PPEF1: variants seen among roughly 807,000 people sequenced by gnomAD.
PPEF1 encodes the protein serine/threonine-protein phosphatase with EF-hands 1.
PPEF1 carries 12 observed loss-of-function variants against 53.3 expected under a neutral mutation model. The ratio of observed to expected loss-of-function variants is 0.23; its 90% CI spans 0.14 to 0.36. The LOEUF is 0.36. Ranked by LOEUF, PPEF1 falls within the 10% of genes least tolerant of loss-of-function variation. The pLI, the probability that PPEF1 is intolerant of heterozygous loss-of-function variation, is 1.00. For synonymous variants in PPEF1, 165 were observed against 176.7 expected (o/e 0.93, Z 0.52); for missense variants, 334 against 490.4 (o/e 0.68, Z 3.01).
intron 3 of PPEF1, among the ~76,000 whole-genome samples, chrX:18,737,048 C>CT (rs1047856744): frequency 4.5e-5 from 5 of 111,620 alleles, no homozygotes; most frequent in African/African-American, 6.5e-5. Flanking sequence ...TGCTAGCAGT[C>CT]TATCAATTTT....
chrX:18,752,762 G>A (rs567198764), intron 4 of PPEF1, among the ~76,000 whole-genome samples: 2 of 105,604 alleles, frequency 1.9e-5, no homozygotes, highest in South Asian at 8.2e-4. Context: ...AGATGATTGT[G>A]CGTTTTTTAC....
At chrX:18,774,511 T>TG (rs1189446353) in intron 6 of PPEF1, among the ~76,000 whole-genome samples, 1 of 112,484 alleles carries the variant, frequency 8.9e-6, no homozygotes, top group Non-Finnish European at 1.9e-5. Flanking sequence ...GACTTTGTAT[T>TG]GTTTACTTCT....
chrX:18,770,663 C>A (rs887159680), intron 6 of PPEF1, among the ~76,000 whole-genome samples: 1 of 111,623 alleles, frequency 9.0e-6, no homozygotes, highest in South Asian at 3.8e-4. Flanking sequence ...TGAAGACATT[C>A]ATTACTCTTT....
At chrX:18,748,839 C>T (rs1031757757) in intron 3 of PPEF1, among the ~76,000 whole-genome samples, 1 of 111,824 alleles carries the variant, frequency 8.9e-6, no homozygotes, top group Admixed American at 9.5e-5. Flanking sequence ...CCAGAGAGAC[C>T]TGAGCTTGGA....
At chrX:18,742,056 C>T (rs2045183537) in intron 3 of PPEF1, among the ~76,000 whole-genome samples, 1 of 110,712 alleles carries the variant, frequency 9.0e-6, no homozygotes, top group South Asian at 3.8e-4. Flanking sequence ...CCTCGGCCTT[C>T]CAAAGTGCTG....
intron 3 of PPEF1, among the ~76,000 whole-genome samples, chrX:18,738,676 T>C (rs1217993392): frequency 8.9e-6 from 1 of 111,951 alleles, no homozygotes; most frequent in Non-Finnish European, 1.9e-5. Flanking sequence ...TTGGCCTGCC[T>C]TGCTAGATTG....
chrX:18,715,893 CTTAAAATT>C (rs915533198), intron 1 of PPEF1, among the ~76,000 whole-genome samples: 10 of 112,329 alleles, frequency 8.9e-5, no homozygotes, highest in Admixed American at 2.8e-4. Context: ...TCACTTGACA[CTTAAAATT>C]TTATGTTAAT....
At chrX:18,786,215 C>T (rs1441542180) in intron 9 of PPEF1, among the ~76,000 whole-genome samples, 2 of 111,502 alleles carry the variant, frequency 1.8e-5, no homozygotes, top group African/African-American at 6.5e-5. Flanking sequence ...CCAGCTCTAT[C>T]GAGGGCTTTT....
At chrX:18,734,349 A>G (rs1181149667) in intron 3 of PPEF1, among the ~76,000 whole-genome samples, 3 of 99,796 alleles carry the variant, frequency 3.0e-5, no homozygotes, top group Admixed American at 1.2e-4. Flanking sequence ...TCATTGTTCA[A>G]TTCCCACCTA....
At chrX:18,675,771 G>A (rs1928648108), upstream of PPEF1, 1 of 111,925 alleles carries the variant, frequency 8.9e-6, no homozygotes, top group Non-Finnish European at 1.9e-5. Flanking sequence ...CTGGTGCGGG[G>A]TCCCTGACTT....
intron 3 of PPEF1, among the ~76,000 whole-genome samples, chrX:18,746,902 C>T (rs1204566151): frequency 9.0e-6 from 1 of 110,627 alleles, no homozygotes; most frequent in East Asian, 2.8e-4. Context: ...GAGATACCAA[C>T]AATATTTATC....
intron 6 of PPEF1, among the ~76,000 whole-genome samples, chrX:18,762,180 T>A (rs1369340241): frequency 9.0e-6 from 1 of 111,593 alleles, no homozygotes; most frequent in Non-Finnish European, 1.9e-5. Context: ...TTTTTCTGTC[T>A]CTGGGCCAAG....
At chrX:18,681,578 A>G (rs746025653), upstream of PPEF1, among the ~76,000 whole-genome samples, 61 of 111,866 alleles carry the variant, frequency 5.5e-4, no homozygotes, top group Admixed American at 1.8e-3. Flanking sequence ...ACGTGAGATG[A>G]TGTAGAGGCT....
At chrX:18,779,773 CT>C (rs758999472) in intron 7 of PPEF1, among the ~76,000 whole-genome samples, 5 of 112,024 alleles carry the variant, frequency 4.5e-5, no homozygotes, top group Non-Finnish European at 7.5e-5. Context: ...CTTTTCCCTT[CT>C]TTTTTTCTTC....
intron 10 of PPEF1, among the ~76,000 whole-genome samples, chrX:18,793,585 A>G (rs1399764042): frequency 9.0e-6 from 1 of 110,982 alleles, no homozygotes; most frequent in Non-Finnish European, 1.9e-5. Context: ...TGTTTTATAT[A>G]TGTCTCTTTG....
chrX:18,739,475 T>C (rs1345872339), intron 3 of PPEF1, among the ~76,000 whole-genome samples: 1 of 112,041 alleles, frequency 8.9e-6, no homozygotes, highest in Admixed American at 9.5e-5. Flanking sequence ...CAAATGTTGC[T>C]GCCTGATCCT....
intron 5 of PPEF1, among the ~76,000 whole-genome samples, chrX:18,758,606 C>T (rs901239087): frequency 9.9e-5 from 11 of 111,234 alleles, no homozygotes; most frequent in Non-Finnish European, 2.1e-4. Context: ...TGGTTCATTT[C>T]CAGCCTCATC....
At chrX:18,733,280 G>C (rs1260246025) in intron 2 of PPEF1, among the ~76,000 whole-genome samples, 1 of 111,998 alleles carries the variant, frequency 8.9e-6, no homozygotes, top group African/African-American at 3.2e-5. Context: ...TAGAAGCAGA[G>C]GCTGAGACAG....
chrX:18,801,388 C>T (rs1406171214), intron 10 of PPEF1, among the ~76,000 whole-genome samples: 1 of 111,868 alleles, frequency 8.9e-6, no homozygotes, highest in African/African-American at 3.3e-5. Flanking sequence ...AACTTATAAA[C>T]GGGTGTACAA....
Sources: gnomAD v4.1 joint callset for allele counts (sites outside exome capture counted in the v4.1 genomes callset) on GRCh38, gnomAD v4.1.1 for gene constraint, MANE v1.5 for transcripts, NCBI Gene and HGNC (gene_info 2026-07-23, HGNC 2026-07-21) for gene names.